Variants in IFT80 observed in about 807,000 individuals in gnomAD.
The protein encoded by IFT80 is intraflagellar transport 80, also known as intraflagellar transport protein 80 homolog.
Under a neutral mutation model 107.9 loss-of-function variants are expected in IFT80, and 79 were observed. The ratio of observed to expected loss-of-function variants is 0.73; its 90% CI spans 0.61 to 0.88. The LOEUF (loss-of-function observed/expected upper bound fraction) is 0.88, where lower values mean the gene tolerates loss of function less well. IFT80 is among the 40% of genes least tolerant of loss of function. IFT80 has a pLI of 0.00. For missense variants in IFT80, 797 were observed against 914.2 expected (o/e 0.87, Z 1.65); for synonymous variants, 299 against 300.9 (o/e 0.99, Z 0.07).
intron 1 of IFT80, among the ~76,000 whole-genome samples, chr3:160,396,164 C>A (rs1006259282): frequency 6.6e-6 from 1 of 151,968 alleles, no homozygotes; most frequent in Non-Finnish European, 1.5e-5. Flanking sequence ...CAAAAAAGAG[C>A]TGTTCTGCCT....
At chr3:160,269,144 G>A (rs1408037206) in intron 18 of IFT80, among the ~76,000 whole-genome samples, 3 of 151,500 alleles carry the variant, frequency 2.0e-5, no homozygotes, top group South Asian at 2.1e-4. Flanking sequence ...CGGGAGAATC[G>A]CTTGAATCTG....
intron 18 of IFT80, among the ~76,000 whole-genome samples, chr3:160,274,068 T>A (rs958253445): frequency 6.6e-6 from 1 of 152,102 alleles, no homozygotes; most frequent in Non-Finnish European, 1.5e-5. Context: ...AAGGGGGGCA[T>A]GCGGGGAACA....
chr3:160,316,310 T>C (rs973220791), intron 9 of IFT80, among the ~76,000 whole-genome samples: 34 of 152,148 alleles, frequency 2.2e-4, no homozygotes, highest in Non-Finnish European at 5.9e-5. Flanking sequence ...CCAACCATCA[T>C]GTCAGTGAGC....
chr3:160,362,345 G>C (rs1433905802), intron 6 of IFT80, among the ~76,000 whole-genome samples: 4 of 149,108 alleles, frequency 2.7e-5, no homozygotes, highest in Non-Finnish European at 4.5e-5. Context: ...TGAATAGACT[G>C]ATAACAGGCT....
intron 12 of IFT80, 90 bp downstream of exon 12, chr3:160,300,793 G>A (rs1306720865): frequency 4.0e-5 from 39 of 971,724 alleles, no homozygotes; most frequent in Non-Finnish European, 5.6e-5. Context: ...TGATGTACTG[G>A]TAGATAAGAA....
intron 5 of IFT80, 115 bp downstream of exon 5, chr3:160,375,697 G>T: frequency 1.4e-6 from 1 of 712,152 alleles, no homozygotes; most frequent in South Asian, 1.6e-5. Flanking sequence ...TTACTGTTTT[G>T]AACTCAACCA....
intron 8 of IFT80, among the ~76,000 whole-genome samples, chr3:160,350,683 TGTGCGC>T (rs1399847113): frequency 2.0e-5 from 3 of 151,942 alleles, no homozygotes; most frequent in African/African-American, 7.2e-5. Context: ...GGCGTGGTGA[TGTGCGC>T]GTGTAGTCCC....
chr3:160,382,835 A>G (rs1712629177), intron 2 of IFT80, among the ~76,000 whole-genome samples: 1 of 152,212 alleles, frequency 6.6e-6, no homozygotes, highest in African/African-American at 2.4e-5. Context: ...ACTTCAAAAT[A>G]CAATAGATTA....
intron 15 of IFT80, 152 bp from the exon 16 acceptor site, chr3:160,279,516 A>G (rs1714526266): frequency 1.6e-6 from 1 of 645,026 alleles, no homozygotes; most frequent in Non-Finnish European, 2.7e-6. Context: ...GGGAGAATGT[A>G]TATGTTCAAA....
intron 12 of IFT80, among the ~76,000 whole-genome samples, chr3:160,296,778 A>C (rs978596478): frequency 1.3e-5 from 2 of 152,038 alleles, no homozygotes; most frequent in African/African-American, 4.8e-5. Flanking sequence ...TTTAGTCCTC[A>C]CTCTAAGAGT....
intron 18 of IFT80, among the ~76,000 whole-genome samples, chr3:160,273,791 G>A (rs1714012110): frequency 6.6e-6 from 1 of 152,128 alleles, no homozygotes; most frequent in African/African-American, 2.4e-5. Flanking sequence ...ATAAATAATG[G>A]TCAGAATCCA....
At chr3:160,381,819 G>A in intron 2 of IFT80, 95 bp from the exon 3 acceptor site, 1 of 974,884 alleles carries the variant, frequency 1.0e-6, no homozygotes, top group Non-Finnish European at 1.6e-6. Context: ...GTAAAATAGG[G>A]TCAAATGGTT....
chr3:160,284,759 T>G (rs1289961406), intron 13 of IFT80, among the ~76,000 whole-genome samples: 1 of 152,154 alleles, frequency 6.6e-6, no homozygotes, highest in Non-Finnish European at 1.5e-5. Context: ...AAGCACTTTA[T>G]GTATAGATAT....
chr3:160,397,071 C>T (rs1713834049), intron 1 of IFT80, among the ~76,000 whole-genome samples: 1 of 152,162 alleles, frequency 6.6e-6, no homozygotes, highest in African/African-American at 2.4e-5. Flanking sequence ...TATACCTTAT[C>T]ACTAATTCAA....
chr3:160,296,115 AT>A (rs2108260362), intron 12 of IFT80, among the ~76,000 whole-genome samples: 1 of 152,306 alleles, frequency 6.6e-6, no homozygotes, highest in African/African-American at 2.4e-5. Flanking sequence ...TGTTAACACT[AT>A]TGAACTGTAC....
chr3:160,268,562 T>C, intron 18 of IFT80, 26 bp from the exon 19 acceptor site: 2 of 1,609,632 alleles, frequency 1.2e-6, no homozygotes, highest in Non-Finnish European at 1.7e-6. Flanking sequence ...AAACAGATTA[T>C]TAACATTGTT....
At chr3:160,356,238 G>A in intron 7 of IFT80, 88 bp from the exon 8 acceptor site, 3 of 1,155,636 alleles carry the variant, frequency 2.6e-6, no homozygotes, top group Non-Finnish European at 3.7e-6. Flanking sequence ...AAATAAAAAT[G>A]TTTTATAACA....
Position 160,258,252 on chromosome 3 carries a change from G to A in IFT80, c.*273C>T. 2.4e-6 allele frequency: 1 copy of A among 421,310 alleles called. No homozygotes were observed. The highest frequency in any genetic ancestry group is 4.3e-6 in the Non-Finnish European group (1 of 235,120). The allele number at this position is 421,310 out of a possible 1,614,324, so 26.1% of individuals were successfully genotyped here. A position where few individuals can be genotyped will look rare whatever the true frequency, so the allele number is the denominator to read the frequency against. On this transcript the variant is annotated 3_prime_UTR_variant, in exon 20 of 20. Transcript: ENST00000326448. ...CTGAAGATTTAGGGATGAAGTAATG[G>A]GCAAAAAACTGACATATAATCGACA...
At chr3:160,376,904 C>T (rs1428761158) in intron 4 of IFT80, among the ~76,000 whole-genome samples, 1 of 152,158 alleles carries the variant, frequency 6.6e-6, no homozygotes, top group African/African-American at 2.4e-5. Context: ...CATATGACTG[C>T]CGCCGCATCC....
Sources: allele counts gnomAD v4.1 joint callset (sites outside exome capture counted in the v4.1 genomes callset), GRCh38; gene constraint gnomAD v4.1.1; transcripts MANE v1.5; gene names NCBI Gene and HGNC (gene_info 2026-07-23, HGNC 2026-07-21).